Variants in GRSF1 observed in about 807,000 individuals in gnomAD.
The protein encoded by GRSF1 is G-rich RNA sequence binding factor 1, also known as G-rich sequence factor 1.
In GRSF1, 50 loss-of-function variants were observed where a neutral mutation model predicts 51.1. That is an observed-to-expected ratio of 0.98 (90% CI 0.78 to 1.24). GRSF1 has a LOEUF of 1.24. GRSF1 is among the 50% of genes most tolerant of loss of function. GRSF1 has a pLI of 0.00. For synonymous variants in GRSF1, 293 were observed against 253.3 expected (o/e 1.16, Z -1.49); for missense variants, 700 against 639.7 (o/e 1.09, Z -1.02).
In GRSF1 at chr4:70,833,239, A is replaced by G. The variant is rs947650244; in HGVS notation, c.549T>C (p.His183=). 1.2e-6 allele frequency: 2 copies of G among 1,613,886 alleles called. No individual in the cohort carries two copies. Among genetic ancestry groups the G allele is most frequent in the Non-Finnish European group, 8.5e-7 (1 of 1,179,806 alleles). The change falls in exon 3 of 10, where the codon CAT becomes CAC. Residue 183 remains histidine (H), a synonymous_variant. Transcript: ENST00000254799. The part of the protein sequence containing the change: ...CRIRNGENGI[H]FLLNRDGKRR... ...GTTTCCCATCTCTGTTTAGGAGAAA[A>G]TGTATTCCATTCTCACCGTTGCGGA... is the stretch of plus-strand genomic sequence containing the variant.
chr4:70,828,017 T>C lies in GRSF1; in HGVS notation c.970A>G (p.Ser324Gly). Reference protein sequence around the residue: ...IGNRYIEIFPSRRNEVRTHVG... With the variant: ...IGNRYIEIFPGRRNEVRTHVG... ...TGTGTTCGAACTTCATTCCTTCTGC[T>C]TGGAAATATCTCGATGTATCTATGT... The change falls in exon 6 of 10, where the codon AGC (serine) becomes GGC (glycine). Residue 324 changes from serine (S) to glycine (G), a missense_variant. By Grantham distance (56) the Ser-to-Gly change is moderately conservative. Coordinates refer to ENST00000254799, the MANE Select transcript of GRSF1 (RefSeq NM_002092.4). The C allele has an allele frequency of 6.2e-7, 1 of 1,613,358 alleles. No individual in the cohort carries two copies. Among genetic ancestry groups the C allele is most frequent in the Non-Finnish European group, 8.5e-7 (1 of 1,179,544 alleles).
At chr4:70,825,165 C>T (rs919996243) in intron 8 of GRSF1, 131 bp downstream of exon 8, 3 of 592,158 alleles carry the variant, frequency 5.1e-6, no homozygotes, top group Non-Finnish European at 8.8e-6. Context: ...TTATCTGTTA[C>T]GTTTAATTTA....
intron 9 of GRSF1, among the ~76,000 whole-genome samples, chr4:70,824,089 G>T (rs1733638077): frequency 6.8e-6 from 1 of 146,138 alleles, no homozygotes; most frequent in Non-Finnish European, 1.5e-5. Context: ...TCCCGCTTCA[G>T]CCTCCTGAGT....
At chr4:70,838,648 G>A (rs972246634) in intron 1 of GRSF1, among the ~76,000 whole-genome samples, 1 of 152,142 alleles carries the variant, frequency 6.6e-6, no homozygotes, top group Non-Finnish European at 1.5e-5. Context: ...ACCAAGAAGA[G>A]AAAGGTTCAT....
chr4:70,843,136 G>T (rs1201481564), upstream of GRSF1, among the ~76,000 whole-genome samples: 1 of 152,164 alleles, frequency 6.6e-6, no homozygotes, highest in East Asian at 1.9e-4. Context: ...CTTCTACTAT[G>T]CCCAAAAGAC....
Position 70,839,507 on chromosome 4 carries a change from C to T in GRSF1, c.321G>A (p.Ala107=), listed in dbSNP as rs1734373509. Residue 107 remains alanine (A), a synonymous_variant, in exon 1 of 10, where the codon GCG becomes GCA. Coordinates refer to ENST00000254799, the MANE Select transcript of GRSF1 (RefSeq NM_002092.4). ...TGCGCGTCGGGACGGCGGCCGCCGCCGCCAGCGACTGCGGCAGCAGAGAGG... is the reference window on the plus strand; with the variant it reads ...TGCGCGTCGGGACGGCGGCCGCCGCTGCCAGCGACTGCGGCAGCAGAGAGG... The part of the protein sequence containing the change: ...LRASLLPQSL[A]AAAAVPTRSY... 1 of 1,427,352 alleles carries T rather than the reference C, an allele frequency of 7.0e-7. No individual in the cohort carries two copies. Among genetic ancestry groups the T allele is most frequent in the African/African-American group, 1.5e-5 (1 of 66,088 alleles). 88.4% of individuals were successfully genotyped at this position (1,427,352 alleles called of 1,614,324 possible).
At chr4:70,838,713 T>A (rs1055793670) in intron 1 of GRSF1, among the ~76,000 whole-genome samples, 1 of 151,756 alleles carries the variant, frequency 6.6e-6, no homozygotes, top group African/African-American at 2.4e-5. Context: ...TCTAAAAAAA[T>A]AAAGAAAAAA....
chr4:70,828,030 G>A lies in GRSF1; in HGVS notation c.957C>T (p.Ile319=), dbSNP rs370613759. ...CATTCCTTCTGCTTGGAAATATCTCGATGTATCTATGTCAAAGCAAAAGTA... is the reference window on the plus strand; with the variant it reads ...CATTCCTTCTGCTTGGAAATATCTCAATGTATCTATGTCAAAGCAAAAGTA... ...KHREEIGNRY[I]EIFPSRRNEV... Residue 319 remains isoleucine, a synonymous_variant, in exon 6 of 10, where the codon ATC becomes ATT. Coordinates refer to ENST00000254799, the MANE Select transcript of GRSF1 (RefSeq NM_002092.4). 3.7e-6 allele frequency: 6 copies of A among 1,611,936 alleles called. No homozygotes were observed. The African/African-American group carries it at 4.0e-5, about 11-fold the overall frequency.
At chr4:70,830,404 C>A (rs560947575) in intron 5 of GRSF1, among the ~76,000 whole-genome samples, 85 of 151,382 alleles carry the variant, frequency 5.6e-4, no homozygotes, top group African/African-American at 1.9e-3. Flanking sequence ...ATCATCATGC[C>A]ACTGCACTCC....
At chr4:70,836,095 A>AC in intron 2 of GRSF1, 63 bp downstream of exon 2, 1 of 967,326 alleles carries the variant, frequency 1.0e-6, no homozygotes, top group South Asian at 2.3e-5. Flanking sequence ...AAACATACAT[A>AC]CCTGCTTGTG....
chr4:70,830,491 T>C (rs1366392037), intron 5 of GRSF1, among the ~76,000 whole-genome samples: 1 of 149,464 alleles, frequency 6.7e-6, no homozygotes, highest in African/African-American at 2.5e-5. Flanking sequence ...ATTATGGACA[T>C]AACAATCAAA....
upstream of GRSF1, chr4:70,839,896 C>A: frequency 7.2e-7 from 1 of 1,391,248 alleles, no homozygotes; most frequent in Non-Finnish European, 9.3e-7. Context: ...GAAGTGGAAT[C>A]CAGGGCCGGT....
chr4:70,824,305 G>A lies in GRSF1; in HGVS notation c.*14C>T. The A allele has an allele frequency of 7.4e-7, 1 of 1,350,322 alleles. No homozygotes were observed. The highest frequency in any genetic ancestry group is 1.2e-5 in the South Asian group (1 of 81,338). 83.6% of individuals were successfully genotyped at this position (1,350,322 alleles called of 1,614,324 possible). ...CCTCTTAAATTTACCTTATTATCTG[G>A]AGCCCCTAGAGTCTTATTTTCCTTT... is the stretch of plus-strand genomic sequence containing the variant. On this transcript the variant is annotated 3_prime_UTR_variant, in exon 9 of 10. Coordinates refer to ENST00000254799, the MANE Select transcript of GRSF1 (RefSeq NM_002092.4).
At chr4:70,825,577 T>C in intron 7 of GRSF1, 146 bp from the exon 8 acceptor site, 1 of 522,388 alleles carries the variant, frequency 1.9e-6, no homozygotes. Flanking sequence ...AGTAATATAT[T>C]TATATATCTA....
At position 70,817,431 on chromosome 4, in the gene GRSF1, T is replaced by C. The variant is rs1448610117; in HGVS notation, c.*3456A>G. The C allele has an allele frequency of 1.3e-5, 2 of 152,158 alleles. No homozygotes were observed. The highest frequency in any genetic ancestry group is 4.8e-5 in the African/African-American group (2 of 41,434). 9.4% of individuals were successfully genotyped at this position (152,158 alleles called of 1,614,324 possible). ...ACAGATTAAACCTTCCTTCCTATACTTCCTTTCTAAAAATAAGAAAACCAC... is the reference window on the plus strand; with the variant it reads ...ACAGATTAAACCTTCCTTCCTATACCTCCTTTCTAAAAATAAGAAAACCAC... On this transcript the variant is annotated 3_prime_UTR_variant, in exon 10 of 10. Transcript: ENST00000254799.
chr4:70,837,381 G>A (rs1298707789), intron 1 of GRSF1, among the ~76,000 whole-genome samples: 1 of 151,900 alleles, frequency 6.6e-6, no homozygotes, highest in Non-Finnish European at 1.5e-5. Flanking sequence ...TGGCCAACAT[G>A]GCAAAACCCC....
chr4:70,834,574 G>A (rs1323775174), intron 2 of GRSF1, among the ~76,000 whole-genome samples: 4 of 152,012 alleles, frequency 2.6e-5, no homozygotes, highest in African/African-American at 4.8e-5. Context: ...ATGGGAGTTC[G>A]GTATACAGAT....
chr4:70,837,884 C>T (rs28370514), intron 1 of GRSF1, among the ~76,000 whole-genome samples: 6 of 151,804 alleles, frequency 4.0e-5, no homozygotes, highest in Middle Eastern at 3.4e-3. Context: ...AGGTGATCCA[C>T]CCGCCGCAGC....
chr4:70,821,295 C>T (rs1040893843), intron 9 of GRSF1, among the ~76,000 whole-genome samples: 14 of 152,092 alleles, frequency 9.2e-5, no homozygotes, highest in Non-Finnish European at 1.8e-4. Context: ...TGTGGTGGCG[C>T]ATGCCTGTAA....
Sources: allele counts gnomAD v4.1 joint callset (sites outside exome capture counted in the v4.1 genomes callset), GRCh38; gene constraint gnomAD v4.1.1; transcripts MANE v1.5; gene names NCBI Gene and HGNC (gene_info 2026-07-23, HGNC 2026-07-21).